FBXO31: variants seen among roughly 807,000 people sequenced by gnomAD.
FBXO31 encodes F-box protein 31.
A neutral mutation model predicts 54.4 loss-of-function variants in FBXO31; 24 were observed. The ratio of observed to expected loss-of-function variants is 0.44; its 90% CI spans 0.32 to 0.62. FBXO31 has a LOEUF of 0.62. Among genes scored for constraint, FBXO31 ranks in the 20% least tolerant of loss-of-function variants. FBXO31 has a pLI of 0.05. For missense variants in FBXO31, 665 were observed against 787.1 expected (o/e 0.84, Z 1.86); for synonymous variants, 388 against 335.6 (o/e 1.16, Z -1.71).
chr16:87,334,491 G>A (rs1485270712), intron 7 of FBXO31, among the ~76,000 whole-genome samples: 5 of 152,226 alleles, frequency 3.3e-5, no homozygotes, highest in Admixed American at 1.3e-4. Context: ...CCCTGAGGAC[G>A]GTGGCTCATA....
chr16:87,372,361 G>A (rs1906638780), intron 1 of FBXO31, among the ~76,000 whole-genome samples: 1 of 152,116 alleles, frequency 6.6e-6, no homozygotes, highest in Non-Finnish European at 1.5e-5. Flanking sequence ...CATTGAAAAG[G>A]CAGAGGAAAA....
chr16:87,389,333 G>A (rs1907435389), intron 1 of FBXO31, among the ~76,000 whole-genome samples: 1 of 152,136 alleles, frequency 6.6e-6, no homozygotes, highest in Non-Finnish European at 1.5e-5. Flanking sequence ...TTGCAAATGT[G>A]GACTTCAGTC....
intron 1 of FBXO31, among the ~76,000 whole-genome samples, chr16:87,373,596 C>G (rs1567487305): frequency 1.3e-5 from 2 of 150,476 alleles, no homozygotes; most frequent in African/African-American, 4.9e-5. Context: ...GCGGTATGAA[C>G]AAGCTCACTG....
At position 87,346,484 on chromosome 16, in the gene FBXO31, A is replaced by T. The variant is rs1905392356; in HGVS notation, c.489+690T>A. Among the ~76,000 whole-genome samples the T allele has an allele frequency of 6.6e-6, 1 of 152,238 alleles. No homozygotes were observed. Among genetic ancestry groups the T allele is most frequent in the African/African-American group, 2.4e-5 (1 of 41,464 alleles). ...GAAAGCCAGACTTCCATCTCCAGCC[A>T]TGATCAAGTACCCAGGACTAGACAG... On this transcript the variant is annotated intron_variant, in intron 3 of 8. Coordinates refer to ENST00000311635, the MANE Select transcript of FBXO31 (RefSeq NM_024735.5). This position sits in a 1 kb window ranked among gnomAD's most constrained non-coding sequence, Gnocchi z 4.2.
intron 1 of FBXO31, among the ~76,000 whole-genome samples, chr16:87,377,441 C>A (rs1906872239): frequency 6.6e-6 from 1 of 151,876 alleles, no homozygotes; most frequent in Non-Finnish European, 1.5e-5. Flanking sequence ...ACGAGGGAGA[C>A]CCTGTCTCAA....
At position 87,351,074 on chromosome 16, in the gene FBXO31, C is replaced by T. The variant is rs573818848; in HGVS notation, c.413-3824G>A. ...CCCAAGAGATGAGTCAGAGAAACAGCGTGGCCAGATGGGCTGCCAGCGCAC... is the reference window on the plus strand; with the variant it reads ...CCCAAGAGATGAGTCAGAGAAACAGTGTGGCCAGATGGGCTGCCAGCGCAC... On this transcript the variant is annotated intron_variant, in intron 2 of 8. Coordinates refer to ENST00000311635, the MANE Select transcript of FBXO31 (RefSeq NM_024735.5). 3.3e-5 allele frequency among the ~76,000 whole-genome samples: 5 copies of T among 152,306 alleles called. No homozygotes were observed. The East Asian group carries it at 5.8e-4, about 18-fold the overall frequency.
At chr16:87,381,712 C>T (rs2150700034) in intron 1 of FBXO31, among the ~76,000 whole-genome samples, 1 of 152,318 alleles carries the variant, frequency 6.6e-6, no homozygotes, top group African/African-American at 2.4e-5. Context: ...TCCTACAAAT[C>T]CACAATCCCA....
At chr16:87,385,035 A>G (rs543061545), upstream of FBXO31, among the ~76,000 whole-genome samples, 1 of 151,910 alleles carries the variant, frequency 6.6e-6, no homozygotes, top group Admixed American at 6.6e-5. Flanking sequence ...AACAAACCAC[A>G]CAGGCCAGGC....
intron 2 of FBXO31, among the ~76,000 whole-genome samples, chr16:87,349,499 G>A (rs751659962): frequency 3.3e-5 from 5 of 152,188 alleles, no homozygotes; most frequent in African/African-American, 7.2e-5. Context: ...GATGGATCAC[G>A]AGGAGTTCGA....
chr16:87,331,209 A>G lies in FBXO31; in HGVS notation c.*79T>C. On this transcript the variant is annotated 3_prime_UTR_variant, in exon 9 of 9. Transcript: ENST00000311635. Reference sequence around the variant, plus strand: ...TCTGGTCAAAAGGCCGGATTTCCAAAGTGCATGCTGCTTCTATTCACAGGT... The same window carrying G: ...TCTGGTCAAAAGGCCGGATTTCCAAGGTGCATGCTGCTTCTATTCACAGGT... 2.1e-6 allele frequency: 3 copies of G among 1,443,108 alleles called. No homozygotes were observed. Among genetic ancestry groups the G allele is most frequent in the Middle Eastern group, 1.8e-4 (1 of 5,528 alleles). The allele number at this position is 1,443,108 out of a possible 1,614,324, so 89.4% of individuals were successfully genotyped here.
chr16:87,363,681 C>A (rs1347050619), intron 1 of FBXO31, among the ~76,000 whole-genome samples: 5 of 152,156 alleles, frequency 3.3e-5, no homozygotes, highest in African/African-American at 9.6e-5. Context: ...TTAAGTGCTA[C>A]GGGGAAATCA....
chr16:87,332,955 A>T (rs2150667479), intron 8 of FBXO31, among the ~76,000 whole-genome samples: 1 of 152,362 alleles, frequency 6.6e-6, no homozygotes, highest in East Asian at 1.9e-4. Flanking sequence ...CTCTGTGGTG[A>T]TGGAATGTTC....
chr16:87,344,155 A>C (rs1905282859), intron 3 of FBXO31, among the ~76,000 whole-genome samples: 1 of 152,288 alleles, frequency 6.6e-6, no homozygotes, highest in Admixed American at 6.5e-5. Flanking sequence ...GCAACAGGCA[A>C]CACAAGGACC....
intron 1 of FBXO31, among the ~76,000 whole-genome samples, chr16:87,371,847 A>C (rs1354017518): frequency 6.6e-6 from 1 of 152,216 alleles, no homozygotes; most frequent in Non-Finnish European, 1.5e-5. Context: ...GGGGAAGGGG[A>C]AACCTCGACT....
intron 1 of FBXO31, among the ~76,000 whole-genome samples, chr16:87,372,471 G>C (rs1376151812): frequency 6.6e-6 from 1 of 152,176 alleles, no homozygotes; most frequent in Non-Finnish European, 1.5e-5. Flanking sequence ...CTACTGCCTG[G>C]ACAGTGCGTT....
At chr16:87,385,761 A>C (rs540676689), upstream of FBXO31, among the ~76,000 whole-genome samples, 4 of 151,488 alleles carry the variant, frequency 2.6e-5, no homozygotes, top group Non-Finnish European at 5.9e-5. Flanking sequence ...GTAATCCCAG[A>C]ACTTTGGGAG....
Position 87,354,919 on chromosome 16 carries a change from A to G in FBXO31, c.412+5376T>C, listed in dbSNP as rs148287380. Among the ~76,000 whole-genome samples the G allele has an allele frequency of 1.1e-3, 169 of 151,988 alleles. 1 individual carries two copies. Among genetic ancestry groups the G allele is most frequent in the Admixed American group, 2.3e-3 (35 of 15,280 alleles). ...GAGGTGGAGGTTGCAATGAGCCAAG[A>G]TCGCGCCACTGCACTCCAGCCTGGG... On this transcript the variant is annotated intron_variant, in intron 2 of 8. Coordinates refer to ENST00000311635, the MANE Select transcript of FBXO31 (RefSeq NM_024735.5).
At chr16:87,381,824 A>T in intron 1 of FBXO31, among the ~76,000 whole-genome samples, 1 of 152,176 alleles carries the variant, frequency 6.6e-6, no homozygotes, top group East Asian at 1.9e-4. Flanking sequence ...GGAGTTCCAG[A>T]GCATCCTGGC....
chr16:87,370,255 T>C (rs1428251148), intron 1 of FBXO31, among the ~76,000 whole-genome samples: 1 of 152,112 alleles, frequency 6.6e-6, no homozygotes. Context: ...GGTGGCAGCC[T>C]GGCCAGCGTG....
Sources: gnomAD v4.1 joint callset for allele counts (sites outside exome capture counted in the v4.1 genomes callset) on GRCh38, gnomAD v4.1.1 for gene constraint, Gnocchi (gnomAD v3.1) non-coding constraint, MANE v1.5 for transcripts, NCBI Gene and HGNC (gene_info 2026-07-23, HGNC 2026-07-21) for gene names.